The following EDIL3 variants were observed in gnomAD, a reference collection of about 807,000 sequenced individuals.
EDIL3 encodes EGF-like repeat and discoidin I-like domain-containing protein 3.
In EDIL3, 37 loss-of-function variants were observed where a neutral mutation model predicts 67.4. The observed-to-expected ratio is 0.55, with a 90% CI of 0.42 to 0.72. EDIL3 has a LOEUF of 0.72. Ranked by LOEUF, EDIL3 falls within the 30% of genes least tolerant of loss-of-function variation. The pLI is 0.00. For missense variants in EDIL3, 527 were observed against 586.3 expected, an observed-to-expected ratio of 0.90 and a Z score of 1.04; for synonymous variants, 195 against 196.3, an observed-to-expected ratio of 0.99 and a Z score of 0.05.
At chr5:84,163,373 C>A (rs1041354090) in intron 4 of EDIL3, among the ~76,000 whole-genome samples, 1 of 151,934 alleles carries the variant, frequency 6.6e-6, no homozygotes, top group African/African-American at 2.4e-5. Context: ...GAGACTATAC[C>A]TTAAAGAGAA....
chr5:84,359,070 A>G (rs1008407119), intron 1 of EDIL3, among the ~76,000 whole-genome samples: 1 of 152,178 alleles, frequency 6.6e-6, no homozygotes, highest in South Asian at 2.1e-4. Context: ...AAACCAATAT[A>G]TCAATGTTAT....
chr5:84,089,272 A>G (rs2269289), intron 6 of EDIL3, among the ~76,000 whole-genome samples: 112,587 of 152,120 alleles, frequency 0.74, 41,767 homozygotes, highest in Middle Eastern at 0.78. Context: ...GCAACAAGTA[A>G]TTTTCCAACT....
At chr5:84,210,667 C>G (rs1266033041) in intron 3 of EDIL3, among the ~76,000 whole-genome samples, 4 of 152,050 alleles carry the variant, frequency 2.6e-5, no homozygotes, top group Admixed American at 2.6e-4. Flanking sequence ...TTAGAACACA[C>G]AGAGTTACCA....
intron 1 of EDIL3, among the ~76,000 whole-genome samples, chr5:84,367,877 A>G (rs1233394845): frequency 6.6e-6 from 1 of 152,128 alleles, no homozygotes; most frequent in Non-Finnish European, 1.5e-5. Context: ...GTGAGAAAAG[A>G]TTTTCAGCTT....
At chr5:84,132,381 A>AAT (rs1353599320) in intron 5 of EDIL3, among the ~76,000 whole-genome samples, 3 of 15,160 alleles carry the variant, frequency 2.0e-4, no homozygotes, top group Non-Finnish European at 2.6e-4. Context: ...TATTATATAT[A>AAT]ATATATTTTA....
At chr5:84,143,576 T>TGG (rs1431299165) in intron 4 of EDIL3, among the ~76,000 whole-genome samples, 2 of 152,092 alleles carry the variant, frequency 1.3e-5, no homozygotes, top group Non-Finnish European at 1.5e-5. Context: ...CCCAATTATC[T>TGG]GGGTTGTTTA....
intron 5 of EDIL3, among the ~76,000 whole-genome samples, chr5:84,115,379 C>G (rs562630338): frequency 1.3e-4 from 20 of 151,974 alleles, no homozygotes; most frequent in Middle Eastern, 3.4e-3. Context: ...TAATTGTTTT[C>G]AATTCAGAAA....
chr5:84,073,696 G>C (rs1292277933), intron 6 of EDIL3, among the ~76,000 whole-genome samples: 1 of 151,648 alleles, frequency 6.6e-6, no homozygotes, highest in Non-Finnish European at 1.5e-5. Context: ...TGAAATAAAA[G>C]AGGATACAAA....
At chr5:84,348,076 G>A (rs1424417921) in intron 1 of EDIL3, among the ~76,000 whole-genome samples, 1 of 152,184 alleles carries the variant, frequency 6.6e-6, no homozygotes, top group African/African-American at 2.4e-5. Context: ...AGTGGTCCAT[G>A]AAAGGAAACA....
intron 9 of EDIL3, among the ~76,000 whole-genome samples, chr5:83,999,425 C>G (rs1333164436): frequency 6.6e-6 from 1 of 152,066 alleles, no homozygotes. Flanking sequence ...AATTCAGAAT[C>G]TTATCACATA....
chr5:84,171,983 C>T (rs999672017), intron 4 of EDIL3, among the ~76,000 whole-genome samples: 2 of 152,134 alleles, frequency 1.3e-5, no homozygotes, highest in African/African-American at 4.8e-5. Context: ...TCAGACATGG[C>T]TCCAAAACTA....
At chr5:84,221,543 C>G (rs186456654) in intron 3 of EDIL3, among the ~76,000 whole-genome samples, 180 of 140,912 alleles carry the variant, frequency 1.3e-3, no homozygotes, top group African/African-American at 4.7e-3. Flanking sequence ...ACACACCTAT[C>G]AAAAAGGAAG....
At chr5:84,384,199 C>G (rs1056795567) in intron 1 of EDIL3, 109 bp downstream of exon 1, 1 of 1,388,648 alleles carries the variant, frequency 7.2e-7, no homozygotes, top group Non-Finnish European at 9.7e-7. Flanking sequence ...GCCAGCGGCG[C>G]TCGCCACCCT....
At chr5:84,239,100 C>T (rs976428270) in intron 2 of EDIL3, among the ~76,000 whole-genome samples, 2 of 152,078 alleles carry the variant, frequency 1.3e-5, no homozygotes, top group African/African-American at 4.8e-5. Context: ...CTCTAGAAAA[C>T]AATGGACTAA....
chr5:84,271,366 A>G (rs1270835052), intron 1 of EDIL3, among the ~76,000 whole-genome samples: 1 of 151,742 alleles, frequency 6.6e-6, no homozygotes, highest in African/African-American at 2.4e-5. Context: ...GTGAGCCGAG[A>G]TTGCGCCACT....
Position 84,382,171 on chromosome 5 carries a change from G to C in EDIL3, c.67+2137C>G, listed in dbSNP as rs1034539715. The stretch of plus-strand genomic sequence containing the variant: ...TTATTTTTCCTCAAGCCTTTCCCCT[G>C]TCCTCACAAGCTAGCTGGGGGAAAA... On this transcript the variant is annotated intron_variant, in intron 1 of 10. Coordinates refer to ENST00000296591, the MANE Select transcript of EDIL3 (RefSeq NM_005711.5). Among the ~76,000 whole-genome samples the C allele has an allele frequency of 2.0e-5, 3 of 152,212 alleles. No homozygotes were observed. The East Asian group carries it at 5.8e-4, about 29-fold the overall frequency.
chr5:84,008,311 A>T (rs1193315909), intron 9 of EDIL3, among the ~76,000 whole-genome samples: 1 of 152,198 alleles, frequency 6.6e-6, no homozygotes, highest in Non-Finnish European at 1.5e-5. Context: ...TAATACCAAG[A>T]AAGGATAAAT....
intron 1 of EDIL3, among the ~76,000 whole-genome samples, chr5:84,262,669 T>G (rs1031761841): frequency 1.9e-5 from 2 of 107,554 alleles, no homozygotes; most frequent in South Asian, 7.8e-4. Context: ...GTTTTTTTTT[T>G]TTTTTTTTTT....
At chr5:84,217,160 A>G (rs1744242730) in intron 3 of EDIL3, among the ~76,000 whole-genome samples, 1 of 148,846 alleles carries the variant, frequency 6.7e-6, no homozygotes, top group Non-Finnish European at 1.5e-5. Context: ...AAAAAAAATG[A>G]CTCAGGCAAA....
Sources: gnomAD v4.1 joint callset for allele counts (sites outside exome capture counted in the v4.1 genomes callset) on GRCh38, gnomAD v4.1.1 for gene constraint, MANE v1.5 for transcripts, NCBI Gene and HGNC (gene_info 2026-07-23, HGNC 2026-07-21) for gene names.